The following CCDC60 variants were observed in gnomAD, a reference collection of about 807,000 sequenced individuals.
CCDC60 encodes coiled-coil domain-containing protein 60.
A neutral mutation model predicts 63.5 loss-of-function variants in CCDC60; 54 were observed. That is an observed-to-expected ratio of 0.85 (90% confidence interval 0.68 to 1.07). CCDC60 has a LOEUF of 1.07. Ranked by LOEUF, CCDC60 falls within the 50% of genes least tolerant of loss-of-function variation. The probability of loss-of-function intolerance (pLI) is 0.00; values close to 1 mark genes in which losing one functional copy is unlikely to be tolerated. For missense variants in CCDC60, 651 were observed against 684.3 expected, an observed-to-expected ratio of 0.95 and a Z score of 0.54; for synonymous variants, 206 against 238.8, an observed-to-expected ratio of 0.86 and a Z score of 1.27.
rs1023262688 is a variant in CCDC60 at position 119,520,131 on chromosome 12, G to A, written c.979G>A (p.Val327Met). The A allele has an allele frequency of 2.5e-6, 4 of 1,613,882 alleles. No individual in the cohort carries two copies. Among genetic ancestry groups the A allele is most frequent in the Non-Finnish European group, 2.5e-6 (3 of 1,179,884 alleles). The change falls in exon 9 of 14, where the codon GTG becomes ATG. Residue 327 changes from valine (V) to methionine (M), a missense_variant. Transcript: ENST00000327554. ...MQRKAPSILS[V>M]LKQNKSNSAY... ...CATTTTGCCTTGCAGCATCTTGTCA[G>A]TGCTGAAACAAAACAAGAGTAATTC...
intron 4 of CCDC60, chr12:119,479,819 A>G (rs1951261228): frequency 1.3e-5 from 2 of 152,168 alleles, no homozygotes; most frequent in Non-Finnish European, 2.9e-5. Context: ...CACCGCTGAC[A>G]TTTTGAGAGA....
At chr12:119,478,833 C>T (rs1951236667) in intron 3 of CCDC60, among the ~76,000 whole-genome samples, 1 of 152,026 alleles carries the variant, frequency 6.6e-6, no homozygotes, top group East Asian at 1.9e-4. Flanking sequence ...TCTTGATCTC[C>T]TGACCTTGTG....
intron 1 of CCDC60, among the ~76,000 whole-genome samples, chr12:119,398,489 G>T (rs1286979726): frequency 6.6e-6 from 1 of 152,208 alleles, no homozygotes; most frequent in Non-Finnish European, 1.5e-5. Context: ...GGCTCCCACA[G>T]TGCAGCTCAG....
intron 1 of CCDC60, among the ~76,000 whole-genome samples, chr12:119,342,609 T>G (rs1426346575): frequency 6.6e-6 from 1 of 152,168 alleles, no homozygotes; most frequent in Admixed American, 6.5e-5. Context: ...TTGTCCATAG[T>G]AGTACCCATC....
intron 6 of CCDC60, among the ~76,000 whole-genome samples, chr12:119,502,044 T>C (rs904629210): frequency 2.6e-5 from 4 of 152,140 alleles, no homozygotes; most frequent in Admixed American, 6.5e-5. Flanking sequence ...TACTCTTCTG[T>C]ATGTCTAGGC....
chr12:119,537,481 G>A (rs1346043173), intron 13 of CCDC60, among the ~76,000 whole-genome samples: 2 of 152,252 alleles, frequency 1.3e-5, no homozygotes, highest in Non-Finnish European at 2.9e-5. Context: ...TCCTTTGGAG[G>A]AGAAGAGGTG....
chr12:119,478,861 T>C (rs1007639681), intron 3 of CCDC60, among the ~76,000 whole-genome samples: 2 of 152,072 alleles, frequency 1.3e-5, no homozygotes, highest in African/African-American at 4.8e-5. Flanking sequence ...CGCCTCGGCC[T>C]CCCAAAGTGC....
chr12:119,463,386 C>T (rs1304390699), intron 2 of CCDC60, among the ~76,000 whole-genome samples: 5 of 152,228 alleles, frequency 3.3e-5, no homozygotes, highest in Non-Finnish European at 5.9e-5. Flanking sequence ...TACCAACCAG[C>T]GCAGTGCACA....
At chr12:119,375,183 A>G (rs1955938710) in intron 1 of CCDC60, among the ~76,000 whole-genome samples, 1 of 152,196 alleles carries the variant, frequency 6.6e-6, no homozygotes, top group Non-Finnish European at 1.5e-5. Context: ...GTTTAGGGAC[A>G]ACGTGTCTTA....
At chr12:119,397,603 C>T (rs1956282048) in intron 1 of CCDC60, among the ~76,000 whole-genome samples, 1 of 149,320 alleles carries the variant, frequency 6.7e-6, no homozygotes, top group Non-Finnish European at 1.5e-5. Flanking sequence ...TCCAGCTAGA[C>T]ATAAAAGTTC....
At chr12:119,396,959 C>T (rs1956266951) in intron 1 of CCDC60, among the ~76,000 whole-genome samples, 1 of 152,196 alleles carries the variant, frequency 6.6e-6, no homozygotes, top group African/African-American at 2.4e-5. Flanking sequence ...TTCAGATGTT[C>T]AGATGTGTCC....
chr12:119,375,293 C>G (rs1283517293), intron 1 of CCDC60, among the ~76,000 whole-genome samples: 2 of 152,156 alleles, frequency 1.3e-5, no homozygotes, highest in Admixed American at 6.5e-5. Context: ...AGCAAAAAAC[C>G]CTAATTTGCA....
chr12:119,494,279 T>C (rs1951667226), intron 5 of CCDC60, among the ~76,000 whole-genome samples: 1 of 152,080 alleles, frequency 6.6e-6, no homozygotes, highest in African/African-American at 2.4e-5. Flanking sequence ...CTAGTTACAG[T>C]GGAGAAGAAA....
chr12:119,437,355 C>G (rs1249982286), intron 2 of CCDC60, among the ~76,000 whole-genome samples: 1 of 152,192 alleles, frequency 6.6e-6, no homozygotes. Context: ...CTCTTTTATT[C>G]GAACCCAGAT....
rs547827676 is a variant in CCDC60, at chr12:119,393,444, G to A, written c.91-35239G>A. ...ACAAATGATTCCTTGTTTTGCTTTC[G>A]CTGCTCCCGAATTGTATTTATTTTG... On this transcript the variant is annotated intron_variant, in intron 1 of 13. Transcript: ENST00000327554. Among the ~76,000 whole-genome samples, 15 of 152,172 alleles carry A rather than the reference G, an allele frequency of 9.9e-5. No individual in the cohort carries two copies. In the East Asian group the frequency reaches 1.7e-3, roughly 18 times the overall value.
Position 119,511,212 on chromosome 12 carries a change from T to G in CCDC60, c.884-5411T>G, listed in dbSNP as rs370818574. 2.6e-4 allele frequency among the ~76,000 whole-genome samples: 40 copies of G among 152,312 alleles called. 1 individual carries two copies. The East Asian group carries it at 7.1e-3, about 27-fold the overall frequency. ...ACAGCCTTGACAAAAGTAGATTAAT[T>G]TCCCAGCCTCTCTTGCCTTCTAAAA... On this transcript the variant is annotated intron_variant, in intron 7 of 13. Transcript: ENST00000327554.
At chr12:119,522,527 T>C (rs954594507) in intron 9 of CCDC60, among the ~76,000 whole-genome samples, 24 of 152,106 alleles carry the variant, frequency 1.6e-4, no homozygotes, top group African/African-American at 4.8e-4. Context: ...GTGTTGGGCA[T>C]GGAGAGGAGT....
intron 13 of CCDC60, among the ~76,000 whole-genome samples, chr12:119,537,633 C>T (rs533608191): frequency 1.3e-5 from 2 of 152,202 alleles, no homozygotes; most frequent in Admixed American, 6.5e-5. Flanking sequence ...GATGCTATTC[C>T]TTTCTGTTTG....
chr12:119,402,167 G>A (rs1956403942), intron 1 of CCDC60: 1 of 152,182 alleles, frequency 6.6e-6, no homozygotes, highest in East Asian at 1.9e-4. Context: ...TCCATCACAA[G>A]CCTATGAAGT....
Sources: gnomAD v4.1 joint callset for allele counts (sites outside exome capture counted in the v4.1 genomes callset) on GRCh38, gnomAD v4.1.1 for gene constraint, MANE v1.5 for transcripts, NCBI Gene and HGNC (gene_info 2026-07-23, HGNC 2026-07-21) for gene names.